RBFOX1: variants seen among roughly 807,000 people sequenced by gnomAD.
RBFOX1 encodes the protein RNA binding protein fox-1 homolog 1.
Under a neutral mutation model 57.7 loss-of-function variants are expected in RBFOX1, and 8 were observed. The ratio of observed to expected loss-of-function variants is 0.14; its 90% CI spans 0.08 to 0.25. The LOEUF (loss-of-function observed/expected upper bound fraction) is 0.25. RBFOX1 is among the 10% of genes least tolerant of loss of function. RBFOX1 has a pLI of 1.00. For missense variants in RBFOX1, 611 were observed against 548.5 expected, an observed-to-expected ratio of 1.11 and a Z score of -1.14; for synonymous variants, 326 against 222.4, an observed-to-expected ratio of 1.47 and a Z score of -4.15.
At chr16:7,617,539 T>C (rs770650740) in intron 10 of RBFOX1, among the ~76,000 whole-genome samples, 47 of 152,168 alleles carry the variant, frequency 3.1e-4, no homozygotes, top group Non-Finnish European at 5.6e-4. Flanking sequence ...TGCACAGCTT[T>C]AGCGGTTATA....
intron 4 of RBFOX1, among the ~76,000 whole-genome samples, chr16:7,292,174 TATATC>T (rs1181398400): frequency 8.7e-5 from 11 of 126,552 alleles, no homozygotes; most frequent in African/African-American, 2.0e-4. Flanking sequence ...TTATATATCA[TATATC>T]ATATATGATA....
At chr16:6,060,509 C>T (rs1304729544) in intron 1 of RBFOX1, among the ~76,000 whole-genome samples, 2 of 152,078 alleles carry the variant, frequency 1.3e-5, no homozygotes, top group African/African-American at 4.8e-5. Flanking sequence ...TTTGGTTGAC[C>T]TTTCACAGAG....
At chr16:7,181,565 C>T (rs1008518928) in intron 4 of RBFOX1, among the ~76,000 whole-genome samples, 3 of 151,736 alleles carry the variant, frequency 2.0e-5, no homozygotes, top group Non-Finnish European at 4.4e-5. Context: ...CTCTCTTTCT[C>T]TCTTCCTCTC....
chr16:7,195,266 CTTAAA>C (rs1338860155), intron 4 of RBFOX1, among the ~76,000 whole-genome samples: 3 of 152,144 alleles, frequency 2.0e-5, no homozygotes, highest in African/African-American at 7.2e-5. Context: ...GCCTCATTCT[CTTAAA>C]TTAATTTCAT....
At chr16:7,595,459 A>G (rs1019934226) in intron 7 of RBFOX1, 90 bp from the exon 8 acceptor site, 2 of 1,031,960 alleles carry the variant, frequency 1.9e-6, no homozygotes, top group African/African-American at 1.6e-5. Flanking sequence ...AGGACAAGAA[A>G]TAGAAATTAA....
chr16:6,694,599 CT>C (rs147293990), intron 3 of RBFOX1, among the ~76,000 whole-genome samples: 10,839 of 152,210 alleles, frequency 0.071, 483 homozygotes, highest in African/African-American at 0.13. Context: ...GGAACTCAGT[CT>C]CATGTTTGCC....
chr16:7,082,003 G>A (rs771029229), intron 4 of RBFOX1, among the ~76,000 whole-genome samples: 5 of 152,270 alleles, frequency 3.3e-5, no homozygotes, highest in East Asian at 1.9e-4. Flanking sequence ...GAGCAGCCAC[G>A]TGGCTGAAAG....
intron 4 of RBFOX1, among the ~76,000 whole-genome samples, chr16:7,155,168 C>G (rs1215000102): frequency 6.6e-6 from 1 of 152,044 alleles, no homozygotes; most frequent in African/African-American, 2.4e-5. Context: ...CTGAGTACTA[C>G]CACAAGATTT....
intron 4 of RBFOX1, among the ~76,000 whole-genome samples, chr16:7,451,778 G>C (rs957934162): frequency 1.4e-5 from 2 of 146,906 alleles, no homozygotes; most frequent in African/African-American, 5.0e-5. Context: ...GACCAAATTT[G>C]TGTCAGCTTC....
At chr16:6,871,393 C>G (rs944764743) in intron 3 of RBFOX1, among the ~76,000 whole-genome samples, 1 of 152,058 alleles carries the variant, frequency 6.6e-6, no homozygotes, top group South Asian at 2.1e-4. Flanking sequence ...AGTATGTTGG[C>G]CAGGCTGGTC....
intron 4 of RBFOX1, among the ~76,000 whole-genome samples, chr16:7,166,983 T>TTTTTTTTTTTTTTTTG: frequency 2.6e-5 from 1 of 38,334 alleles, no homozygotes; most frequent in Non-Finnish European, 5.5e-5. Context: ...TTTTTTTTTT[T>TTTTTTTTTTTTTTTTG]TTTTTTTTTT....
chr16:5,993,289 A>T (rs1390312300), intron 4 of RBFOX1, among the ~76,000 whole-genome samples: 1 of 151,932 alleles, frequency 6.6e-6, no homozygotes, highest in East Asian at 1.9e-4. Context: ...ATGTATGTGA[A>T]AACCACAAGA....
intron 3 of RBFOX1, among the ~76,000 whole-genome samples, chr16:5,796,204 C>T (rs1473386792): frequency 1.3e-5 from 2 of 152,174 alleles, no homozygotes. Flanking sequence ...CCACCCACTT[C>T]TGAGGCTGGG....
chr16:5,428,704 T>A (rs529991845), intron 1 of RBFOX1, among the ~76,000 whole-genome samples: 6 of 152,182 alleles, frequency 3.9e-5, no homozygotes, highest in Admixed American at 3.9e-4. Flanking sequence ...TGGGGGAAAG[T>A]GTAGACAGAT....
rs149190304 is a variant in RBFOX1 at position 7,013,342 on chromosome 16, A to G, written c.-15-38715A>G. ...TTCTGCTCATGTTATACGTGCAATA[A>G]ACATAAACCAGTCCCTCTCACTTGA... On this transcript the variant is annotated intron_variant, in intron 3 of 15. Transcript: ENST00000550418. Among the ~76,000 whole-genome samples the G allele has an allele frequency of 6.6e-4, 101 of 152,274 alleles. 1 individual carries two copies. In the Middle Eastern group the frequency reaches 0.01, roughly 15 times the overall value.
chr16:7,470,580 A>G (rs971444730), intron 4 of RBFOX1, among the ~76,000 whole-genome samples: 9 of 151,676 alleles, frequency 5.9e-5, no homozygotes, highest in African/African-American at 1.9e-4. Context: ...TGATGGATGG[A>G]TGGATGGATG....
intron 4 of RBFOX1, among the ~76,000 whole-genome samples, chr16:5,970,657 A>G (rs1429920705): frequency 6.6e-6 from 1 of 152,230 alleles, no homozygotes; most frequent in African/African-American, 2.4e-5. Context: ...GTCATGAAAG[A>G]GGAAGCAGGA....
At chr16:6,254,072 T>G (rs1207371182) in intron 1 of RBFOX1, among the ~76,000 whole-genome samples, 1 of 152,258 alleles carries the variant, frequency 6.6e-6, no homozygotes, top group African/African-American at 2.4e-5. Context: ...AAAGACAAAC[T>G]TACGATCAAG....
intron 3 of RBFOX1, among the ~76,000 whole-genome samples, chr16:6,809,146 TCA>T (rs1242557537): frequency 6.6e-6 from 1 of 152,196 alleles, no homozygotes; most frequent in Non-Finnish European, 1.5e-5. Flanking sequence ...TTTGTGTACC[TCA>T]CTGCTGATTT....
Sources: allele counts gnomAD v4.1 joint callset (sites outside exome capture counted in the v4.1 genomes callset), GRCh38; gene constraint gnomAD v4.1.1; transcripts MANE v1.5; gene names NCBI Gene and HGNC (gene_info 2026-07-23, HGNC 2026-07-21).